Variants in SASH1 observed in about 807,000 individuals in gnomAD.
The protein encoded by SASH1 is SAM and SH3 domain-containing protein 1.
Under a neutral mutation model 125.2 loss-of-function variants are expected in SASH1, and 44 were observed. That is an observed-to-expected ratio of 0.35 (90% CI 0.28 to 0.45). The LOEUF is 0.45. SASH1 is among the 20% of genes least tolerant of loss of function. SASH1 has a pLI of 1.00. For synonymous variants in SASH1, 639 were observed against 649.1 expected (o/e 0.98, Z 0.24); for missense variants, 1,426 against 1,614.5 (o/e 0.88, Z 2.00).
the SASH1 span, among the ~76,000 whole-genome samples, chr6:148,237,100 T>C: frequency 6.6e-6 from 1 of 152,186 alleles, no homozygotes; most frequent in South Asian, 2.1e-4. Flanking sequence ...GTTATTCTGT[T>C]ATAGCAGCAG....
intron 1 of SASH1, among the ~76,000 whole-genome samples, chr6:148,357,519 C>A (rs1022930024): frequency 6.6e-6 from 1 of 152,128 alleles, no homozygotes; most frequent in African/African-American, 2.4e-5. Context: ...CAGTTTCCAC[C>A]CAGGCTCCCT....
At chr6:148,304,168 G>T (rs1184861997) in intron 1 of SASH1, among the ~76,000 whole-genome samples, 1 of 151,890 alleles carries the variant, frequency 6.6e-6, no homozygotes, top group African/African-American at 2.4e-5. Context: ...GCTGGGCGCA[G>T]TGGCTCACGC....
intron 8 of SASH1, among the ~76,000 whole-genome samples, chr6:148,503,870 A>T (rs1309644417): frequency 6.6e-6 from 1 of 152,108 alleles, no homozygotes; most frequent in Non-Finnish European, 1.5e-5. Context: ...AAATATTACC[A>T]AGTTTTCTGA....
the SASH1 span, among the ~76,000 whole-genome samples, chr6:148,266,675 A>G: frequency 6.6e-6 from 1 of 152,164 alleles, no homozygotes; most frequent in Non-Finnish European, 1.5e-5. Context: ...ATCATGGCTC[A>G]CTGCAGCCTC....
chr6:148,486,121 T>C (rs1778828444), intron 7 of SASH1, among the ~76,000 whole-genome samples: 1 of 152,186 alleles, frequency 6.6e-6, no homozygotes, highest in South Asian at 2.1e-4. Context: ...CTATAGCCTT[T>C]CTTTCCTTTC....
At chr6:148,406,367 G>A (rs886463584) in intron 2 of SASH1, among the ~76,000 whole-genome samples, 17 of 152,238 alleles carry the variant, frequency 1.1e-4, no homozygotes, top group South Asian at 6.2e-4. Flanking sequence ...GTAGATAAAA[G>A]CAGTTGGAAT....
intron 13 of SASH1, among the ~76,000 whole-genome samples, chr6:148,531,954 A>G (rs1781545194): frequency 6.6e-6 from 1 of 152,234 alleles, no homozygotes; most frequent in South Asian, 2.1e-4. Flanking sequence ...AGACAAGCAC[A>G]TGAAGATGAC....
At position 148,431,860 on chromosome 6, in the gene SASH1, A is replaced by G. The variant is rs185589845; in HGVS notation, c.286-8324A>G. Among the ~76,000 whole-genome samples the G allele has an allele frequency of 6.2e-4, 94 of 152,278 alleles. No homozygotes were observed. In the East Asian group the frequency reaches 0.016, roughly 26 times the overall value. On this transcript the variant is annotated intron_variant, in intron 2 of 19. Coordinates refer to ENST00000367467, the MANE Select transcript of SASH1 (RefSeq NM_015278.5). Reference sequence around the variant, plus strand: ...ATTTTTAGGTTTAAAACATGGAGAAAGGGGCCTCCTTTAAAAGGTGAGAAA... The same window carrying G: ...ATTTTTAGGTTTAAAACATGGAGAAGGGGGCCTCCTTTAAAAGGTGAGAAA...
the SASH1 span, among the ~76,000 whole-genome samples, chr6:148,214,231 CT>C: frequency 2.6e-5 from 4 of 152,106 alleles, no homozygotes; most frequent in African/African-American, 9.7e-5. Flanking sequence ...TTGACAGAAA[CT>C]GATGGTGCGT....
intron 1 of SASH1, among the ~76,000 whole-genome samples, chr6:148,278,475 C>T (rs1779250254): frequency 6.6e-6 from 1 of 152,026 alleles, no homozygotes; most frequent in African/African-American, 2.4e-5. Flanking sequence ...GGTCTTTTCA[C>T]ATGTCCTGGA....
At chr6:148,526,125 C>T (rs1323482081) in intron 11 of SASH1, among the ~76,000 whole-genome samples, 1 of 127,194 alleles carries the variant, frequency 7.9e-6, no homozygotes, top group Non-Finnish European at 1.6e-5. Flanking sequence ...GTGGCACAAT[C>T]TTGCCTCACT....
intron 1 of SASH1, among the ~76,000 whole-genome samples, chr6:148,302,239 G>A (rs1452178758): frequency 6.8e-6 from 1 of 146,170 alleles, no homozygotes; most frequent in South Asian, 2.2e-4. Context: ...GTGAACCTGG[G>A]AGGTGGAGCT....
chr6:148,300,278 G>C (rs1779902773), intron 1 of SASH1, among the ~76,000 whole-genome samples: 1 of 152,026 alleles, frequency 6.6e-6, no homozygotes, highest in African/African-American at 2.4e-5. Context: ...CTCCAGGTTG[G>C]AAGGATGTTA....
chr6:148,391,722 A>G (rs930804243), intron 2 of SASH1, among the ~76,000 whole-genome samples: 11 of 152,238 alleles, frequency 7.2e-5, no homozygotes, highest in African/African-American at 2.4e-4. Flanking sequence ...GTAGTTCAAA[A>G]TTGTATATTT....
At chr6:148,226,194 A>G in the SASH1 span, among the ~76,000 whole-genome samples, 1 of 152,254 alleles carries the variant, frequency 6.6e-6, no homozygotes, top group South Asian at 2.1e-4. Flanking sequence ...AACTTAAAGA[A>G]AAATGGTTTA....
At chr6:148,270,199 C>T (rs1267862506), upstream of SASH1, among the ~76,000 whole-genome samples, 5 of 152,164 alleles carry the variant, frequency 3.3e-5, no homozygotes, top group Non-Finnish European at 7.3e-5. Flanking sequence ...GCAAAGGTCA[C>T]AGGGCTAGTT....
At chr6:148,253,313 C>T in the SASH1 span, among the ~76,000 whole-genome samples, 2 of 152,152 alleles carry the variant, frequency 1.3e-5, no homozygotes, top group East Asian at 1.9e-4. Context: ...CAAAACAATT[C>T]AACTGGGAAA....
the SASH1 span, among the ~76,000 whole-genome samples, chr6:148,199,406 A>G: frequency 2.7e-5 from 4 of 150,874 alleles, no homozygotes; most frequent in Non-Finnish European, 4.4e-5. Context: ...GCTTGGCTAT[A>G]AGGCCTCACT....
At chr6:148,540,291 C>T in intron 16 of SASH1, 152 bp from the exon 17 acceptor site, 1 of 615,748 alleles carries the variant, frequency 1.6e-6, no homozygotes, top group Non-Finnish European at 2.9e-6. Context: ...GTTGTGATCA[C>T]ACTAGTTCAT....
Sources: allele counts gnomAD v4.1 joint callset (sites outside exome capture counted in the v4.1 genomes callset), GRCh38; gene constraint gnomAD v4.1.1; transcripts MANE v1.5; gene names NCBI Gene and HGNC (gene_info 2026-07-23, HGNC 2026-07-21).